The following CADPS2 variants were observed in gnomAD, a reference collection of about 807,000 sequenced individuals.
CADPS2 encodes calcium-dependent secretion activator 2.
In CADPS2, 93 loss-of-function variants were observed where a neutral mutation model predicts 172.5. That is an observed-to-expected ratio of 0.54 (90% CI 0.46 to 0.64). The LOEUF (loss-of-function observed/expected upper bound fraction) is 0.64. Ranked by LOEUF, CADPS2 falls within the 30% of genes least tolerant of loss-of-function variation. The pLI, the probability that CADPS2 is intolerant of heterozygous loss-of-function variation, is 0.00. For synonymous variants in CADPS2, 546 were observed against 555.2 expected (o/e 0.98, Z 0.23); for missense variants, 1,420 against 1,565.9 (o/e 0.91, Z 1.57).
At chr7:122,842,484 T>C (rs574439876) in intron 1 of CADPS2, among the ~76,000 whole-genome samples, 10 of 152,292 alleles carry the variant, frequency 6.6e-5, no homozygotes, top group African/African-American at 2.4e-4. Flanking sequence ...TCCTATTTCC[T>C]CTTTAACCAC....
In CADPS2 at chr7:122,710,410, C is replaced by T. The variant is rs187264209; in HGVS notation, c.453+26545G>A. On this transcript the variant is annotated intron_variant, in intron 2 of 29. Transcript: ENST00000449022. ...TGAACAGTGTATTAAAGCACCAGGC[C>T]GTGTGACAGATGTGTCATGTAGTGA... Among the ~76,000 whole-genome samples the T allele has an allele frequency of 1.1e-3, 171 of 152,124 alleles. 4 individuals are homozygous for T. Among genetic ancestry groups the T allele is most frequent in the African/African-American group, 4.0e-3 (168 of 41,504 alleles).
chr7:122,881,916 T>C (rs780559438), intron 1 of CADPS2, among the ~76,000 whole-genome samples: 8 of 152,134 alleles, frequency 5.3e-5, no homozygotes, highest in Non-Finnish European at 1.0e-4. Context: ...TTATATTATC[T>C]TTACTCCATC....
intron 6 of CADPS2, among the ~76,000 whole-genome samples, chr7:122,590,533 G>C (rs990010626): frequency 2.6e-5 from 4 of 151,878 alleles, no homozygotes; most frequent in Admixed American, 6.6e-5. Flanking sequence ...ATGATGGACT[G>C]TAAGGTTGTT....
chr7:122,447,861 G>C (rs773737404), intron 15 of CADPS2, among the ~76,000 whole-genome samples: 5 of 151,772 alleles, frequency 3.3e-5, no homozygotes, highest in African/African-American at 7.3e-5. Context: ...CCAGTTTCAG[G>C]GATCTTAGAT....
chr7:122,412,070 T>A (rs17463849), intron 19 of CADPS2, among the ~76,000 whole-genome samples: 6,231 of 152,316 alleles, frequency 0.041, 232 homozygotes, highest in Non-Finnish European at 0.057. Context: ...CAGTCACTGC[T>A]GAAATGGGAA....
chr7:122,822,434 G>A (rs2140396358), intron 1 of CADPS2, among the ~76,000 whole-genome samples: 1 of 151,992 alleles, frequency 6.6e-6, no homozygotes, highest in South Asian at 2.1e-4. Context: ...CCTGCTTGAA[G>A]CAACCCTGAG....
At position 122,359,317 on chromosome 7, in the gene CADPS2, C is replaced by G. The variant is rs1202707661; in HGVS notation, c.3504+1471G>C. Among the ~76,000 whole-genome samples, 3 of 152,164 alleles carry G rather than the reference C, an allele frequency of 2.0e-5. No homozygotes were observed. In the South Asian group the frequency reaches 6.2e-4, roughly 32 times the overall value. ...TCAACTCATAATACTTAACAGTAGG[C>G]TGCCATATGGTCATCCTGTAACCAC... On this transcript the variant is annotated intron_variant, in intron 27 of 29. Transcript: ENST00000449022.
chr7:122,710,980 T>G (rs1013673864), intron 2 of CADPS2, among the ~76,000 whole-genome samples: 1 of 152,162 alleles, frequency 6.6e-6, no homozygotes, highest in African/African-American at 2.4e-5. Context: ...TTCAAGTACT[T>G]TCTCTTCAAA....
chr7:122,618,343 T>C (rs1405291281), intron 5 of CADPS2, among the ~76,000 whole-genome samples: 1 of 152,040 alleles, frequency 6.6e-6, no homozygotes, highest in African/African-American at 2.4e-5. Context: ...AATACTTCAG[T>C]AAACAAAAAA....
intron 24 of CADPS2, among the ~76,000 whole-genome samples, chr7:122,384,391 T>C (rs934185757): frequency 4.6e-5 from 7 of 152,146 alleles, no homozygotes; most frequent in Non-Finnish European, 8.8e-5. Context: ...CTATGTAGTA[T>C]ATATTTTTAC....
intron 3 of CADPS2, among the ~76,000 whole-genome samples, chr7:122,650,488 A>G (rs902005503): frequency 1.3e-4 from 20 of 152,156 alleles, no homozygotes; most frequent in African/African-American, 4.8e-4. Context: ...GAAAGTTGGG[A>G]TAACTTTCTA....
Position 122,490,120 on chromosome 7 carries a change from T to C in CADPS2, c.1813A>G (p.Asn605Asp). 6.2e-7 allele frequency: 1 copy of C among 1,613,500 alleles called. No homozygotes were observed. Among genetic ancestry groups the C allele is most frequent in the Non-Finnish European group, 8.5e-7 (1 of 1,179,578 alleles). ...GCATGGAGAGTTCCTCCTTTAGGAT[T>C]CAGTTTCTGGGTTTGAATTGCAGGA... ...PVPAIQTQKL[N>D]PKGGTLHADA... The change falls in exon 11 of 30, where the codon AAT becomes GAT. Residue 605 changes from asparagine to aspartate, a missense_variant. By Grantham distance (23) the Asn-to-Asp change is conservative. Coordinates refer to ENST00000449022, the MANE Select transcript of CADPS2 (RefSeq NM_017954.11).
intron 3 of CADPS2, among the ~76,000 whole-genome samples, chr7:122,638,232 GC>G (rs2077262679): frequency 6.6e-6 from 1 of 152,138 alleles, no homozygotes; most frequent in Non-Finnish European, 1.5e-5. Context: ...TTTCTGGAAA[GC>G]CCTTCAGAGG....
intron 1 of CADPS2, among the ~76,000 whole-genome samples, chr7:122,876,014 A>G (rs2141614287): frequency 6.6e-6 from 1 of 152,276 alleles, no homozygotes; most frequent in South Asian, 2.1e-4. Context: ...GTTAACAGAT[A>G]TAACTTAAAA....
intron 17 of CADPS2, among the ~76,000 whole-genome samples, chr7:122,420,457 T>A (rs745919191): frequency 6.6e-6 from 1 of 152,250 alleles, no homozygotes; most frequent in African/African-American, 2.4e-5. Context: ...TTTAAATAGA[T>A]GCATTTTTAT....
intron 27 of CADPS2, among the ~76,000 whole-genome samples, chr7:122,349,965 G>T (rs2038289920): frequency 1.3e-5 from 2 of 152,126 alleles, no homozygotes; most frequent in Admixed American, 6.5e-5. Flanking sequence ...ACACTGTCAT[G>T]GTGCCTATTT....
At chr7:122,858,005 C>A (rs1045869651) in intron 1 of CADPS2, among the ~76,000 whole-genome samples, 5 of 152,048 alleles carry the variant, frequency 3.3e-5, no homozygotes, top group Non-Finnish European at 5.9e-5. Context: ...TCGTGAAGAG[C>A]GAAAGAACAA....
At chr7:122,775,438 G>T (rs2093848368) in intron 1 of CADPS2, among the ~76,000 whole-genome samples, 1 of 152,168 alleles carries the variant, frequency 6.6e-6, no homozygotes, top group African/African-American at 2.4e-5. Flanking sequence ...TGCATCTAAA[G>T]TGCATCTGTG....
At chr7:122,816,738 T>C (rs569309161) in intron 1 of CADPS2, among the ~76,000 whole-genome samples, 3 of 152,190 alleles carry the variant, frequency 2.0e-5, no homozygotes, top group Non-Finnish European at 4.4e-5. Flanking sequence ...TTGTCAGGCC[T>C]CTGAGCCCAA....
Sources: allele counts gnomAD v4.1 joint callset (sites outside exome capture counted in the v4.1 genomes callset), GRCh38; gene constraint gnomAD v4.1.1; transcripts MANE v1.5; gene names NCBI Gene and HGNC (gene_info 2026-07-23, HGNC 2026-07-21).